ZMAT4: variants seen among roughly 807,000 people sequenced by gnomAD.
The protein encoded by ZMAT4 is zinc finger matrin-type protein 4.
A neutral mutation model predicts 28.7 loss-of-function variants in ZMAT4; 17 were observed. That is an observed-to-expected ratio of 0.59 (90% CI 0.41 to 0.89). The LOEUF is 0.89. Ranked by LOEUF, ZMAT4 falls within the 40% of genes least tolerant of loss-of-function variation. ZMAT4 has a pLI of 0.00. For missense variants in ZMAT4, 240 were observed against 283.8 expected (o/e 0.85, Z 1.11); for synonymous variants, 117 against 109.2 (o/e 1.07, Z -0.44).
chr8:40,771,484 T>C (rs1813388782), intron 2 of ZMAT4, among the ~76,000 whole-genome samples: 1 of 152,172 alleles, frequency 6.6e-6, no homozygotes, highest in Non-Finnish European at 1.5e-5. Context: ...TTGTGTATAC[T>C]TTTTACCCAC....
At chr8:40,820,832 T>A (rs1200580030) in intron 2 of ZMAT4, among the ~76,000 whole-genome samples, 2 of 145,436 alleles carry the variant, frequency 1.4e-5, no homozygotes, top group Non-Finnish European at 3.0e-5. Flanking sequence ...TGTATGTTTA[T>A]GTGTGTATGT....
At chr8:40,832,064 G>T (rs1425266261) in intron 1 of ZMAT4, among the ~76,000 whole-genome samples, 1 of 152,180 alleles carries the variant, frequency 6.6e-6, no homozygotes, top group Non-Finnish European at 1.5e-5. Context: ...CCAAGCCAGG[G>T]CTGACCCCTG....
chr8:40,535,822 G>C (rs1318600527), intron 6 of ZMAT4, among the ~76,000 whole-genome samples: 1 of 152,154 alleles, frequency 6.6e-6, no homozygotes, highest in Non-Finnish European at 1.5e-5. Flanking sequence ...AATGTAAACT[G>C]TTCAATAAGC....
At chr8:40,624,385 T>G (rs980637557) in intron 5 of ZMAT4, among the ~76,000 whole-genome samples, 3 of 152,208 alleles carry the variant, frequency 2.0e-5, no homozygotes, top group Admixed American at 2.0e-4. Flanking sequence ...ATGCTGATCT[T>G]TGGAATTCCA....
intron 4 of ZMAT4, among the ~76,000 whole-genome samples, chr8:40,682,779 G>C (rs992174719): frequency 2.4e-4 from 36 of 152,168 alleles, no homozygotes; most frequent in African/African-American, 8.0e-4. Flanking sequence ...TCTTCGTTAA[G>C]AGAGTATTCA....
chr8:40,678,204 G>A (rs1285095701), intron 4 of ZMAT4, among the ~76,000 whole-genome samples: 1 of 152,222 alleles, frequency 6.6e-6, no homozygotes, highest in Non-Finnish European at 1.5e-5. Flanking sequence ...AATGGAGCTA[G>A]TTTTGCTGTA....
intron 4 of ZMAT4, among the ~76,000 whole-genome samples, chr8:40,686,914 C>A (rs1296052112): frequency 3.3e-5 from 5 of 151,986 alleles, no homozygotes; most frequent in Non-Finnish European, 7.4e-5. Context: ...GAGCCCCTAA[C>A]TGCTGCCCTG....
At chr8:40,831,814 A>G (rs1290198881) in intron 1 of ZMAT4, among the ~76,000 whole-genome samples, 1 of 152,178 alleles carries the variant, frequency 6.6e-6, no homozygotes, top group Non-Finnish European at 1.5e-5. Context: ...TACTCTAACA[A>G]TGATCCCAAC....
At chr8:40,881,201 G>A (rs1236444410) in intron 1 of ZMAT4, among the ~76,000 whole-genome samples, 2 of 151,714 alleles carry the variant, frequency 1.3e-5, no homozygotes, top group Admixed American at 1.3e-4. Context: ...AACATAGCGA[G>A]TCCCCATCTC....
intron 6 of ZMAT4, among the ~76,000 whole-genome samples, chr8:40,562,186 T>A (rs1026465378): frequency 6.6e-6 from 1 of 152,328 alleles, no homozygotes; most frequent in Non-Finnish European, 1.5e-5. Flanking sequence ...AGGACATTCC[T>A]GCTCAGGCAA....
chr8:40,661,262 G>C (rs972551358), intron 5 of ZMAT4, among the ~76,000 whole-genome samples: 4 of 152,108 alleles, frequency 2.6e-5, no homozygotes, highest in Admixed American at 2.6e-4. Flanking sequence ...ACTATACCCG[G>C]CTAATTTTTG....
At chr8:40,580,588 A>G (rs1585711563) in intron 6 of ZMAT4, among the ~76,000 whole-genome samples, 1 of 152,226 alleles carries the variant, frequency 6.6e-6, no homozygotes, top group South Asian at 2.1e-4. Context: ...AAAGAGCTGC[A>G]TAGTATAAAT....
At chr8:40,838,579 T>A (rs1816583660) in intron 1 of ZMAT4, among the ~76,000 whole-genome samples, 1 of 152,124 alleles carries the variant, frequency 6.6e-6, no homozygotes, top group Non-Finnish European at 1.5e-5. Flanking sequence ...TCTAATGCAC[T>A]CCTCACTCTC....
intron 5 of ZMAT4, among the ~76,000 whole-genome samples, chr8:40,599,395 G>GTA (rs142282731): frequency 0.2 from 31,132 of 152,000 alleles, 3,306 homozygotes; most frequent in Middle Eastern, 0.25. Flanking sequence ...ATGTGTGTGT[G>GTA]TATATATATG....
intron 2 of ZMAT4, among the ~76,000 whole-genome samples, chr8:40,793,063 AC>A (rs983599502): frequency 2.6e-5 from 4 of 152,114 alleles, no homozygotes; most frequent in African/African-American, 9.7e-5. Context: ...AAGATATAAC[AC>A]AAAGAGTGAG....
intron 5 of ZMAT4, among the ~76,000 whole-genome samples, chr8:40,672,979 G>A (rs565917111): frequency 4.1e-5 from 6 of 147,564 alleles, no homozygotes; most frequent in Admixed American, 1.3e-4. Context: ...CATAAATAAA[G>A]TGTTATTAAT....
chr8:40,870,572 T>C (rs1242002079), intron 1 of ZMAT4, among the ~76,000 whole-genome samples: 1 of 152,186 alleles, frequency 6.6e-6, no homozygotes, highest in Non-Finnish European at 1.5e-5. Context: ...TTATTCCAGT[T>C]GCATCTTTCT....
At chr8:40,732,869 G>A (rs544228466) in intron 3 of ZMAT4, among the ~76,000 whole-genome samples, 2 of 122,080 alleles carry the variant, frequency 1.6e-5, no homozygotes, top group East Asian at 4.2e-4. Context: ...TTTTGAGTTG[G>A]GGGTTTAGCA....
intron 1 of ZMAT4, among the ~76,000 whole-genome samples, chr8:40,865,154 C>A (rs1481764877): frequency 2.6e-5 from 4 of 152,168 alleles, no homozygotes; most frequent in Non-Finnish European, 4.4e-5. Context: ...AAAGAATCAA[C>A]CTTTTGCTGC....
Sources: allele counts gnomAD v4.1 joint callset (sites outside exome capture counted in the v4.1 genomes callset), GRCh38; gene constraint gnomAD v4.1.1; transcripts MANE v1.5; gene names NCBI Gene and HGNC (gene_info 2026-07-23, HGNC 2026-07-21).